The following PRLR variants were observed in gnomAD, a reference collection of about 807,000 sequenced individuals.
PRLR encodes the protein prolactin receptor.
Under a neutral mutation model 40.2 loss-of-function variants are expected in PRLR, and 13 were observed. The observed-to-expected ratio is 0.32, with a 90% CI of 0.21 to 0.51. PRLR has a LOEUF of 0.51. Ranked by LOEUF, PRLR falls within the 20% of genes least tolerant of loss-of-function variation. PRLR has a pLI of 0.97. For synonymous variants in PRLR, 269 were observed against 278.7 expected, an observed-to-expected ratio of 0.97 and a Z score of 0.35; for missense variants, 656 against 747.3, an observed-to-expected ratio of 0.88 and a Z score of 1.42.
At chr5:35,119,334 T>C (rs1773192280) in intron 1 of PRLR, among the ~76,000 whole-genome samples, 1 of 152,104 alleles carries the variant, frequency 6.6e-6, no homozygotes, top group African/African-American at 2.4e-5. Flanking sequence ...GGCAGGAAGC[T>C]GTGGTTGGCC....
chr5:35,219,267 T>G (rs371178961), intron 1 of PRLR, among the ~76,000 whole-genome samples: 141 of 152,338 alleles, frequency 9.3e-4, no homozygotes, highest in African/African-American at 2.9e-3. Context: ...ACAACATAGT[T>G]ACTAGGAACC....
chr5:35,196,482 C>A (rs1039793708), intron 1 of PRLR, among the ~76,000 whole-genome samples: 1 of 152,214 alleles, frequency 6.6e-6, no homozygotes, highest in Non-Finnish European at 1.5e-5. Flanking sequence ...TAAAGGAATT[C>A]TCCAAAGCCT....
In PRLR at chr5:35,070,264, A is replaced by T; in HGVS notation, c.545T>A (p.Ile182Asn). 1.9e-6 allele frequency: 3 copies of T among 1,613,426 alleles called. No homozygotes were observed. The highest frequency in any genetic ancestry group is 2.2e-5 in the South Asian group (2 of 90,794). ...LKPEKAAEWE[I>N]HFAGQQTEFK... is the part of the protein sequence containing the mutation. Reference sequence around the variant, plus strand: ...CTCTGTTTGCTGCCCAGCAAAATGGATCTAAGGTAGAATAAGGAAAACAGA... The same window carrying T: ...CTCTGTTTGCTGCCCAGCAAAATGGTTCTAAGGTAGAATAAGGAAAACAGA... Residue 182 changes from isoleucine to asparagine, a missense_variant and splice_region_variant, in exon 7 of 10, where the codon ATC (isoleucine) becomes AAC (asparagine). Around this residue, in one of 3 missense-constraint regions of PRLR, gnomAD observed 180 missense variants for 236.8 expected, o/e 0.76. Coordinates refer to ENST00000618457, the MANE Select transcript of PRLR (RefSeq NM_000949.7).
chr5:35,088,802 C>T (rs1477340639), intron 3 of PRLR, among the ~76,000 whole-genome samples: 1 of 152,136 alleles, frequency 6.6e-6, no homozygotes, highest in Non-Finnish European at 1.5e-5. Context: ...GGTGCATACT[C>T]ATGGAAGTAC....
intron 2 of PRLR, among the ~76,000 whole-genome samples, chr5:35,097,715 T>C (rs568145131): frequency 6.6e-6 from 1 of 152,290 alleles, no homozygotes; most frequent in South Asian, 2.1e-4. Context: ...GCAGGTCTGA[T>C]GCTGAAGGCT....
chr5:35,116,920 C>G (rs1773055996), intron 2 of PRLR, among the ~76,000 whole-genome samples: 1 of 152,172 alleles, frequency 6.6e-6, no homozygotes, highest in African/African-American at 2.4e-5. Context: ...ATAATTTTGT[C>G]CCCACCTGGA....
chr5:35,161,360 G>A (rs1774668183), intron 1 of PRLR, among the ~76,000 whole-genome samples: 1 of 152,184 alleles, frequency 6.6e-6, no homozygotes, highest in African/African-American at 2.4e-5. Flanking sequence ...CAAAAGCCTG[G>A]TTGCAAAGGG....
At chr5:35,118,195 G>T in intron 1 of PRLR, 73 bp from the exon 2 acceptor site, 1 of 754,722 alleles carries the variant, frequency 1.3e-6, no homozygotes. Flanking sequence ...TCACTCTGCA[G>T]TACGTAGCAT....
intron 1 of PRLR, among the ~76,000 whole-genome samples, chr5:35,219,576 G>T (rs1055740405): frequency 6.6e-6 from 1 of 152,218 alleles, no homozygotes; most frequent in Non-Finnish European, 1.5e-5. Flanking sequence ...TCTGACAGCA[G>T]GAAGGCCTTG....
chr5:35,099,550 G>T (rs939472224), intron 2 of PRLR, among the ~76,000 whole-genome samples: 3 of 152,088 alleles, frequency 2.0e-5, no homozygotes, highest in African/African-American at 7.2e-5. Flanking sequence ...ATTAAAAAAA[G>T]TTAACTGTAA....
chr5:35,113,417 CCA>C (rs1334287739), intron 2 of PRLR, among the ~76,000 whole-genome samples: 3 of 149,206 alleles, frequency 2.0e-5, no homozygotes, highest in Non-Finnish European at 4.5e-5. Context: ...ATCCATCCAT[CCA>C]TCCACCCATC....
At chr5:35,227,929 G>A (rs1776591489) in intron 1 of PRLR, among the ~76,000 whole-genome samples, 1 of 152,128 alleles carries the variant, frequency 6.6e-6, no homozygotes, top group Admixed American at 6.5e-5. Flanking sequence ...TATCCACGCC[G>A]GTCTGGACAT....
At chr5:35,066,999 G>A (rs1019392501) in intron 9 of PRLR, among the ~76,000 whole-genome samples, 4 of 152,056 alleles carry the variant, frequency 2.6e-5, no homozygotes, top group East Asian at 1.9e-4. Context: ...TCCTGACCTC[G>A]TGATCTGCCC....
intron 5 of PRLR, among the ~76,000 whole-genome samples, chr5:35,080,998 A>G (rs1770473299): frequency 7.5e-6 from 1 of 133,670 alleles, no homozygotes; most frequent in African/African-American, 2.9e-5. Flanking sequence ...CAATGAGAAC[A>G]CTTGAACACA....
rs6881191 is a variant in PRLR, at chr5:35,066,231, G to A, written c.856-129C>T. The A allele has an allele frequency of 2.4e-4, 225 of 939,168 alleles. No individual in the cohort carries two copies. The African/African-American group carries it at 3.5e-3, about 15-fold the overall frequency. The allele number at this position is 939,168 out of a possible 1,614,324, so 58.2% of individuals were successfully genotyped here. A position where few individuals can be genotyped will look rare whatever the true frequency, so the allele number is the denominator to read the frequency against. On this transcript the variant is annotated intron_variant, in intron 9 of 9. Coordinates refer to ENST00000618457, the MANE Select transcript of PRLR (RefSeq NM_000949.7). ...GATCTCAAACTTCAGACATTTGTGT[G>A]CCAGGCCATCTAGAATCACCTTCTG...
At chr5:35,184,380 G>A (rs1426150800) in intron 1 of PRLR, among the ~76,000 whole-genome samples, 1 of 152,056 alleles carries the variant, frequency 6.6e-6, no homozygotes, top group African/African-American at 2.4e-5. Context: ...CAGGTGTGGT[G>A]GCATGCCCCT....
chr5:35,224,148 A>G (rs986937603), intron 1 of PRLR, among the ~76,000 whole-genome samples: 1 of 152,154 alleles, frequency 6.6e-6, no homozygotes, highest in Non-Finnish European at 1.5e-5. Flanking sequence ...CATCCCTAGA[A>G]GAAAACTGCC....
intron 1 of PRLR, among the ~76,000 whole-genome samples, chr5:35,124,314 T>G (rs1356125263): frequency 1.3e-5 from 2 of 152,118 alleles, no homozygotes; most frequent in East Asian, 3.9e-4. Flanking sequence ...AGTCAATAGA[T>G]TGCTACGGCC....
chr5:35,208,173 G>GCACACA (rs1422036311), intron 1 of PRLR, among the ~76,000 whole-genome samples: 1 of 127,204 alleles, frequency 7.9e-6, no homozygotes, highest in African/African-American at 2.8e-5. Context: ...ACACCCACGC[G>GCACACA]CGCGCACACA....
Sources: allele counts gnomAD v4.1 joint callset (sites outside exome capture counted in the v4.1 genomes callset), GRCh38; gene constraint gnomAD v4.1.1; regional missense constraint gnomAD v4.1.1; transcripts MANE v1.5; gene names NCBI Gene and HGNC (gene_info 2026-07-23, HGNC 2026-07-21).